The following DCLK1 variants were observed in gnomAD, a reference collection of about 807,000 sequenced individuals.
DCLK1 encodes the protein doublecortin like kinase 1, also known as serine/threonine-protein kinase DCLK1.
In DCLK1, 16 loss-of-function variants were observed where a neutral mutation model predicts 86.2. The ratio of observed to expected loss-of-function variants is 0.19; its 90% CI spans 0.13 to 0.28. The LOEUF (loss-of-function observed/expected upper bound fraction) is 0.28. Ranked by LOEUF, DCLK1 falls within the 10% of genes least tolerant of loss-of-function variation. The probability of loss-of-function intolerance (pLI) is 1.00; values close to 1 mark genes in which losing one functional copy is unlikely to be tolerated. For synonymous variants in DCLK1, 369 were observed against 370.5 expected, an observed-to-expected ratio of 1.00 and a Z score of 0.05; for missense variants, 590 against 940.2, an observed-to-expected ratio of 0.63 and a Z score of 4.87.
At chr13:36,007,079 T>G (rs1396431966) in intron 3 of DCLK1, among the ~76,000 whole-genome samples, 1 of 151,812 alleles carries the variant, frequency 6.6e-6, no homozygotes, top group East Asian at 2.0e-4. Context: ...GCGAGGAGAG[T>G]GTGCCCAGAG....
intron 2 of DCLK1, among the ~76,000 whole-genome samples, chr13:36,122,693 T>C (rs1434816729): frequency 2.6e-5 from 4 of 152,236 alleles, no homozygotes; most frequent in Non-Finnish European, 4.4e-5. Context: ...ACTTTCCTTA[T>C]TAAGCATCAT....
chr13:35,815,544 A>T (rs2087247311), intron 11 of DCLK1, among the ~76,000 whole-genome samples: 1 of 152,220 alleles, frequency 6.6e-6, no homozygotes, highest in South Asian at 2.1e-4. Flanking sequence ...TTATTTCACC[A>T]AATAGAATTG....
At chr13:35,847,689 C>A in intron 6 of DCLK1, 1 of 944,300 alleles carries the variant, frequency 1.1e-6, no homozygotes, top group Non-Finnish European at 1.2e-6. Context: ...ATCTTCAGGG[C>A]ATGTGTTGGA....
At chr13:35,775,932 G>A (rs1410745730) in intron 16 of DCLK1, among the ~76,000 whole-genome samples, 2 of 152,210 alleles carry the variant, frequency 1.3e-5, no homozygotes, top group African/African-American at 4.8e-5. Flanking sequence ...GAGATAAAGA[G>A]AGGCAGTGTG....
intron 15 of DCLK1, among the ~76,000 whole-genome samples, chr13:35,800,234 A>G (rs1341036066): frequency 6.6e-6 from 1 of 152,248 alleles, no homozygotes; most frequent in Non-Finnish European, 1.5e-5. Context: ...AAGTACCTAC[A>G]AGGTGCTAGG....
At chr13:35,828,098 T>A in intron 9 of DCLK1, 152 bp downstream of exon 9, 1 of 637,598 alleles carries the variant, frequency 1.6e-6, no homozygotes. Flanking sequence ...ATCCCAGGGA[T>A]ATACATAAAG....
rs574583461 is a variant in DCLK1 at position 35,777,818 on chromosome 13, CCTT to C, written c.2059-3122_2059-3120del. ...AGGGTGTCTCTGACTACAGGTCTCT[CCTT>C]CTGGGCCCCCGCCCACTCTGCTTAG... On this transcript the variant is annotated intron_variant, in intron 16 of 16. Coordinates refer to ENST00000360631, the MANE Select transcript of DCLK1 (RefSeq NM_001330071.2). 2.6e-3 allele frequency among the ~76,000 whole-genome samples: 392 copies of C among 152,302 alleles called. 1 individual carries two copies. The highest frequency in any genetic ancestry group is 9.1e-3 in the African/African-American group (380 of 41,576).
chr13:35,779,724 C>A (rs1277790366), intron 16 of DCLK1, among the ~76,000 whole-genome samples: 1 of 152,174 alleles, frequency 6.6e-6, no homozygotes, highest in East Asian at 1.9e-4. Flanking sequence ...TGAATTCACT[C>A]ATCCTACAAG....
At chr13:35,957,411 T>C (rs34065801) in intron 3 of DCLK1, among the ~76,000 whole-genome samples, 20,863 of 152,208 alleles carry the variant, frequency 0.14, 1,780 homozygotes, top group East Asian at 0.23. Flanking sequence ...TCCCTCTTGA[T>C]GTTTTTTAGA....
At chr13:36,058,429 A>C (rs945792242) in intron 3 of DCLK1, among the ~76,000 whole-genome samples, 2 of 152,200 alleles carry the variant, frequency 1.3e-5, no homozygotes, top group Admixed American at 6.5e-5. Context: ...CTCAGGACTG[A>C]GAGGGAGATC....
intron 4 of DCLK1, among the ~76,000 whole-genome samples, chr13:35,894,380 G>A (rs573840620): frequency 2.0e-5 from 3 of 152,270 alleles, no homozygotes; most frequent in Non-Finnish European, 2.9e-5. Flanking sequence ...GCAGTCTGAC[G>A]CCAGAGCCCA....
intron 5 of DCLK1, among the ~76,000 whole-genome samples, chr13:35,863,318 C>T (rs985682263): frequency 6.6e-6 from 1 of 152,190 alleles, no homozygotes; most frequent in African/African-American, 2.4e-5. Flanking sequence ...ATCATCTTTG[C>T]ACCCTTGGGA....
intron 4 of DCLK1, among the ~76,000 whole-genome samples, chr13:35,907,575 A>G (rs1056336912): frequency 6.6e-6 from 1 of 152,156 alleles, no homozygotes; most frequent in South Asian, 2.1e-4. Context: ...CAAATAAAAC[A>G]TTTAATTTAG....
At chr13:35,991,917 G>A (rs1423050403) in intron 3 of DCLK1, among the ~76,000 whole-genome samples, 1 of 152,064 alleles carries the variant, frequency 6.6e-6, no homozygotes, top group East Asian at 1.9e-4. Context: ...ACACGGCATT[G>A]ATCAAGCTTT....
At chr13:35,899,358 TGTGTGTGTGTGAGAGA>T (rs1182678845) in intron 4 of DCLK1, among the ~76,000 whole-genome samples, 6 of 92,644 alleles carry the variant, frequency 6.5e-5, no homozygotes, top group East Asian at 7.8e-4. Context: ...TGTGTGTGTG[TGTGTGTGTGTGAGAGA>T]GAGAGAGAGA....
chr13:36,026,031 A>C (rs1882021054), intron 3 of DCLK1, among the ~76,000 whole-genome samples: 1 of 152,172 alleles, frequency 6.6e-6, no homozygotes, highest in South Asian at 2.1e-4. Flanking sequence ...TGAGAGGTAA[A>C]TTTGCCCAAA....
intron 9 of DCLK1, 130 bp from the exon 10 acceptor site, chr13:35,827,884 T>C (rs1868614680): frequency 8.9e-7 from 1 of 1,129,322 alleles, no homozygotes; most frequent in Non-Finnish European, 1.3e-6. Context: ...GCCTGTCTTA[T>C]ATTCTGATAT....
intron 3 of DCLK1, among the ~76,000 whole-genome samples, chr13:36,108,798 A>G (rs75048477): frequency 0.02 from 3,103 of 152,310 alleles, 94 homozygotes; most frequent in African/African-American, 0.071. Context: ...GTTCAGTTAA[A>G]CTATTTTTTA....
intron 5 of DCLK1, among the ~76,000 whole-genome samples, chr13:35,867,771 G>C (rs984945838): frequency 2.0e-4 from 31 of 151,428 alleles, no homozygotes; most frequent in Non-Finnish European, 4.6e-4. Context: ...ATATTTTTAA[G>C]ATTAGACTCA....
Sources: gnomAD v4.1 joint callset for allele counts (sites outside exome capture counted in the v4.1 genomes callset) on GRCh38, gnomAD v4.1.1 for gene constraint, MANE v1.5 for transcripts, NCBI Gene and HGNC (gene_info 2026-07-23, HGNC 2026-07-21) for gene names.